The following TRRAP variants were observed in gnomAD, a reference collection of about 807,000 sequenced individuals.
TRRAP encodes the protein transformation/transcription domain associated protein.
A neutral mutation model predicts 438.8 loss-of-function variants in TRRAP; 41 were observed. That is an observed-to-expected ratio of 0.09 (90% CI 0.07 to 0.12). The LOEUF (loss-of-function observed/expected upper bound fraction) is 0.12. Ranked by LOEUF, TRRAP falls within the 10% of genes least tolerant of loss-of-function variation. The probability of loss-of-function intolerance (pLI) is 1.00; values close to 1 mark genes in which losing one functional copy is unlikely to be tolerated. For synonymous variants in TRRAP, 1,994 were observed against 1,962.9 expected (o/e 1.02, Z -0.42); for missense variants, 3,122 against 5,055.1 (o/e 0.62, Z 11.60).
chr7:98,987,372 T>C (rs1307501827), intron 62 of TRRAP, among the ~76,000 whole-genome samples: 1 of 152,240 alleles, frequency 6.6e-6, no homozygotes, highest in Non-Finnish European at 1.5e-5. Context: ...TCCACTAGTT[T>C]AGGTCTTCTT....
intron 6 of TRRAP, among the ~76,000 whole-genome samples, chr7:98,895,137 C>A (rs1280434390): frequency 6.6e-6 from 1 of 152,104 alleles, no homozygotes; most frequent in African/African-American, 2.4e-5. Context: ...AACTCCTGGC[C>A]TCAAGTGATC....
intron 18 of TRRAP, among the ~76,000 whole-genome samples, chr7:98,915,189 C>T (rs1323962879): frequency 1.3e-5 from 2 of 151,956 alleles, no homozygotes; most frequent in African/African-American, 4.8e-5. Context: ...ATTTCAGTTC[C>T]TGTAGGTTAC....
At chr7:99,008,819 C>T (rs1794309770) in intron 70 of TRRAP, among the ~76,000 whole-genome samples, 1 of 152,234 alleles carries the variant, frequency 6.6e-6, no homozygotes, top group Admixed American at 6.5e-5. Flanking sequence ...CCCTTGCCCT[C>T]TGCCTGTACT....
chr7:98,899,638 C>T (rs782490472), intron 9 of TRRAP, 41 bp from the exon 10 acceptor site: 3 of 1,612,128 alleles, frequency 1.9e-6, no homozygotes, highest in Non-Finnish European at 2.5e-6. Flanking sequence ...GTCGCCATAG[C>T]AGAGTGTCAA....
chr7:98,989,722 G>A (rs773537285), intron 63 of TRRAP, among the ~76,000 whole-genome samples: 26 of 152,200 alleles, frequency 1.7e-4, no homozygotes, highest in East Asian at 5.8e-4. Context: ...TGTTTCAGTC[G>A]TCCATGGACA....
Position 98,912,203 on chromosome 7 carries a change from A to G in TRRAP, c.2189A>G (p.Gln730Arg). 3 of 1,613,488 alleles carry G rather than the reference A, an allele frequency of 1.9e-6. No individual in the cohort carries two copies. Among genetic ancestry groups the G allele is most frequent in the Non-Finnish European group, 2.5e-6 (3 of 1,179,766 alleles). Reference protein sequence around the residue: ...SVSLFAAENEQMLKPHLHKIV... With the variant: ...SVSLFAAENERMLKPHLHKIV... The stretch of plus-strand genomic sequence containing the variant: ...TCCCTCTTTGCAGCTGAAAATGAAC[A>G]AATGCTGAAGGTAAAGTCCATTTAA... Residue 730 changes from glutamine to arginine, a missense_variant, in exon 18 of 73, where the codon CAA becomes CGA. Transcript: ENST00000456197.
In TRRAP at chr7:98,908,933, G is replaced by C; in HGVS notation, c.1321G>C (p.Gly441Arg). ...CAAGAGCGAGCAGGAGAGTGGCAAT[G>C]GGAGAGACGTCCTGATGCGGATGCT... The part of the protein sequence containing the change: ...RSKSEQESGN[G>R]RDVLMRMLEV... Residue 441 changes from glycine (G) to arginine (R), a missense_variant, in exon 14 of 73, where the codon GGG becomes CGG. By Grantham distance (125) the Gly-to-Arg change is moderately radical. This residue lies in a region of TRRAP where 343 missense variants were observed against 564.0 expected (regional missense o/e 0.61). Transcript: ENST00000456197. The surrounding 1 kb of genome is among the most constrained non-coding windows in gnomAD (Gnocchi z 4.1). 1 of 1,613,856 alleles carries C rather than the reference G, an allele frequency of 6.2e-7. No individual in the cohort carries two copies.
At chr7:98,884,613 A>G (rs1001473944) in intron 3 of TRRAP, among the ~76,000 whole-genome samples, 3 of 152,126 alleles carry the variant, frequency 2.0e-5, no homozygotes, top group Non-Finnish European at 4.4e-5. Flanking sequence ...TCCAGCCCTC[A>G]GCTGTCCTCA....
chr7:98,948,074 T>C lies in TRRAP; in HGVS notation c.4549-147T>C. On this transcript the variant is annotated intron_variant, in intron 33 of 72. Transcript: ENST00000456197. The surrounding 1 kb of genome is among the most constrained non-coding windows in gnomAD (Gnocchi z 4.9). ...CAGCACAGTTAGAACCTAAGGCTAG[T>C]AAGTTGTGGCTTTTACATGTGAACC... The C allele has an allele frequency of 8.8e-7, 1 of 1,141,236 alleles. No homozygotes were observed. Among genetic ancestry groups the C allele is most frequent in the Non-Finnish European group, 1.2e-6 (1 of 800,302 alleles). The allele number at this position is 1,141,236 out of a possible 1,614,324, so 70.7% of individuals were successfully genotyped here. A position where few individuals can be genotyped will look rare whatever the true frequency, so the allele number is the denominator to read the frequency against.
chr7:98,975,755 G>T (rs546230670), intron 53 of TRRAP, among the ~76,000 whole-genome samples: 1 of 152,162 alleles, frequency 6.6e-6, no homozygotes, highest in Non-Finnish European at 1.5e-5. Context: ...TGTCATATAC[G>T]TGTGTTTTCA....
At position 98,981,940 on chromosome 7, in the gene TRRAP, G is replaced by T; in HGVS notation, c.8806G>T (p.Val2936Leu). 2 of 1,602,584 alleles carry T rather than the reference G, an allele frequency of 1.2e-6. No individual in the cohort carries two copies. Among genetic ancestry groups the T allele is most frequent in the Non-Finnish European group, 1.7e-6 (2 of 1,176,050 alleles). ...GCGGCTGCCCCACGTAGTGTCCCAC[G>T]TGCACACGCCTCTCCTACAGGTGCG... The part of the protein sequence containing the change: ...WRRLPHVVSH[V>L]HTPLLQAAQQ... The change falls in exon 59 of 73, where the codon GTG (valine) becomes TTG (leucine). Residue 2936 changes from valine to leucine, a missense_variant. Physicochemically the swap from Val to Leu is conservative, Grantham distance 32. This residue lies in a region of TRRAP where 992 missense variants were observed against 1,281.2 expected (regional missense o/e 0.77). Coordinates refer to ENST00000456197, the MANE Select transcript of TRRAP (RefSeq NM_001375524.1).
rs138416915 is a variant in TRRAP, at chr7:98,983,969, A to C, written c.9023-124A>C. 4.6e-3 allele frequency: 5,825 copies of C among 1,258,174 alleles called. 13 individuals carry two copies. Among genetic ancestry groups the C allele is most frequent in the Non-Finnish European group, 5.5e-3 (5,181 of 942,046 alleles). The allele number at this position is 1,258,174 out of a possible 1,614,324, so 77.9% of individuals were successfully genotyped here. A position where few individuals can be genotyped will look rare whatever the true frequency, so the allele number is the denominator to read the frequency against. ...ATAAAATACAAAGTAACGAGGGTTT[A>C]TCACAGAGCTGCCCATTTTCATAAG... On this transcript the variant is annotated intron_variant, in intron 60 of 72. Transcript: ENST00000456197.
intron 45 of TRRAP, 23 bp downstream of exon 45, chr7:98,959,513 C>T: frequency 6.2e-7 from 1 of 1,606,986 alleles, no homozygotes; most frequent in South Asian, 1.1e-5. Flanking sequence ...GTCTGAAGGG[C>T]CAGGGCAGCG....
At chr7:99,000,191 T>G (rs1793851699) in intron 67 of TRRAP, among the ~76,000 whole-genome samples, 1 of 152,098 alleles carries the variant, frequency 6.6e-6, no homozygotes, top group Non-Finnish European at 1.5e-5. Context: ...TGATTTTTAG[T>G]ACAGGTGGGG....
intron 38 of TRRAP, 119 bp from the exon 39 acceptor site, chr7:98,950,757 C>A: frequency 7.9e-7 from 1 of 1,269,886 alleles, no homozygotes; most frequent in Non-Finnish European, 1.0e-6. Context: ...GGTAGTCACA[C>A]CCTGGGTTGA....
chr7:98,913,918 G>A (rs191543838), intron 18 of TRRAP, among the ~76,000 whole-genome samples: 21 of 152,260 alleles, frequency 1.4e-4, no homozygotes, highest in Admixed American at 1.2e-3. Flanking sequence ...ATAGAAAATT[G>A]AATATGTCAA....
chr7:98,954,716 C>T (rs1195190984), intron 40 of TRRAP, among the ~76,000 whole-genome samples: 8 of 152,176 alleles, frequency 5.3e-5, no homozygotes, highest in Non-Finnish European at 1.2e-4. Context: ...CTGCAGCTGC[C>T]GCTTCTCAGC....
Position 98,983,443 on chromosome 7 carries a change from G to A in TRRAP, c.9006G>A (p.Arg3002=). The A allele has an allele frequency of 3.7e-6, 6 of 1,614,188 alleles. No homozygotes were observed. The highest frequency in any genetic ancestry group is 5.1e-6 in the Non-Finnish European group (6 of 1,180,040). ...LSHWSSIFMW[R]QHHYQAIVTA... is the part of the protein sequence containing the mutation. ...ACTGGAGCAGCATCTTCATGTGGAGGCAGCATCATTACCAGGGTAAACCGA... is the reference window on the plus strand; with the variant it reads ...ACTGGAGCAGCATCTTCATGTGGAGACAGCATCATTACCAGGGTAAACCGA... Residue 3002 remains arginine (R), a synonymous_variant, in exon 60 of 73, where the codon AGG becomes AGA. Coordinates refer to ENST00000456197, the MANE Select transcript of TRRAP (RefSeq NM_001375524.1).
At chr7:98,878,786 A>C (rs1370381481) in intron 1 of TRRAP, 149 bp downstream of exon 1, 1 of 151,892 alleles carries the variant, frequency 6.6e-6, no homozygotes, top group African/African-American at 2.4e-5. Context: ...GCCAGAGCCC[A>C]CCTGGGGCTG....
Sources: gnomAD v4.1 joint callset for allele counts (sites outside exome capture counted in the v4.1 genomes callset) on GRCh38, gnomAD v4.1.1 for gene constraint, gnomAD v4.1.1 regional missense constraint, Gnocchi (gnomAD v3.1) non-coding constraint, MANE v1.5 for transcripts, NCBI Gene and HGNC (gene_info 2026-07-23, HGNC 2026-07-21) for gene names.